Variants in ZNF469 observed in about 807,000 individuals in gnomAD.
ZNF469 encodes the protein zinc finger protein 469.
ZNF469 carries 1 observed loss-of-function variant against 1.0 expected under a neutral mutation model. The observed-to-expected ratio is 1.00, with a 90% CI of 0.35 to 4.73. ZNF469 has a LOEUF of 4.73. ZNF469 is among the 30% of genes most tolerant of loss of function. ZNF469 has a pLI of 0.16. For synonymous variants in ZNF469, 2,703 were observed against 2,363.4 expected, an observed-to-expected ratio of 1.14 and a Z score of -4.17; for missense variants, 6,100 against 5,356.3, an observed-to-expected ratio of 1.14 and a Z score of -4.33.
At chr16:88,328,722 T>G in the ZNF469 span, among the ~76,000 whole-genome samples, 1 of 152,152 alleles carries the variant, frequency 6.6e-6, no homozygotes, top group African/African-American at 2.4e-5. Flanking sequence ...CACACACAGC[T>G]GAGTGCAATG....
the ZNF469 span, among the ~76,000 whole-genome samples, chr16:88,271,283 G>C: frequency 7.2e-6 from 1 of 139,794 alleles, no homozygotes; most frequent in South Asian, 2.3e-4. Flanking sequence ...GACAAAGTAC[G>C]TGGGAATGTG....
At chr16:88,366,439 A>G in the ZNF469 span, among the ~76,000 whole-genome samples, 2 of 151,358 alleles carry the variant, frequency 1.3e-5, no homozygotes, top group Admixed American at 6.6e-5. Flanking sequence ...TGTCACCACA[A>G]CCACCATCAT....
At position 88,430,620 on chromosome 16, in the gene ZNF469, C is replaced by T. The variant is rs1020696310; in HGVS notation, c.3150C>T (p.Leu1050=). 3.3e-5 allele frequency: 50 copies of T among 1,502,166 alleles called. No homozygotes were observed. Among genetic ancestry groups the T allele is most frequent in the Non-Finnish European group, 4.0e-5 (45 of 1,131,190 alleles). 93.1% of individuals were successfully genotyped at this position (1,502,166 alleles called of 1,614,324 possible). A position where few individuals can be genotyped will look rare whatever the true frequency, so the allele number is the denominator to read the frequency against. ...GGGGCGGCGCCTGGGGCAAGGAGCT[C>T]ATTCTGAAGATCGTGCAGCAGAAGA... The part of the protein sequence containing the change: ...KARGGAWGKE[L]ILKIVQQKNR... Residue 1050 remains leucine, a synonymous_variant, in exon 3 of 3, where the codon CTC becomes CTT. Transcript: ENST00000565624.
chr16:88,161,418 C>T, the ZNF469 span, among the ~76,000 whole-genome samples: 49 of 152,266 alleles, frequency 3.2e-4, no homozygotes, highest in Non-Finnish European at 6.6e-4. Flanking sequence ...ACAGTAGAAG[C>T]GGATGTTTCA....
chr16:88,265,721 G>A, the ZNF469 span, among the ~76,000 whole-genome samples: 80 of 152,320 alleles, frequency 5.3e-4, no homozygotes, highest in Middle Eastern at 3.4e-3. Context: ...AGGAGCAGAC[G>A]GGAGTGGGTT....
chr16:88,193,189 G>T, the ZNF469 span, among the ~76,000 whole-genome samples: 4 of 8,442 alleles, frequency 4.7e-4, no homozygotes, highest in African/African-American at 1.3e-3. Flanking sequence ...GGTGATGGTG[G>T]TGGTGGTGAT....
chr16:88,121,113 T>TG, the ZNF469 span, among the ~76,000 whole-genome samples: 1 of 28,842 alleles, frequency 3.5e-5, no homozygotes, highest in South Asian at 1.0e-3. Context: ...CACGGTGGGA[T>TG]GGGGGGTCGG....
At chr16:88,368,840 TA>T in the ZNF469 span, among the ~76,000 whole-genome samples, 2 of 152,144 alleles carry the variant, frequency 1.3e-5, no homozygotes, top group African/African-American at 4.8e-5. Context: ...CTCATGCCTG[TA>T]ATCTCAGCAG....
At chr16:88,388,724 C>T (rs543950790) in intron 1 of ZNF469, among the ~76,000 whole-genome samples, 2 of 152,168 alleles carry the variant, frequency 1.3e-5, no homozygotes, top group East Asian at 3.9e-4. Context: ...GGCCAGTCTC[C>T]ATACTGGAGG....
the ZNF469 span, among the ~76,000 whole-genome samples, chr16:88,262,611 C>G: frequency 2.6e-5 from 4 of 152,256 alleles, no homozygotes; most frequent in African/African-American, 9.6e-5. The surrounding 1 kb of genome is among the most constrained non-coding windows in gnomAD (Gnocchi z 4.3). Context: ...AGCAGAGACC[C>G]CACCACCTGG....
chr16:88,337,818 T>G, the ZNF469 span, among the ~76,000 whole-genome samples: 3 of 152,240 alleles, frequency 2.0e-5, no homozygotes, highest in East Asian at 5.8e-4. Flanking sequence ...ACACGGCCTC[T>G]GCTTTAATGG....
chr16:88,287,460 A>G, the ZNF469 span, among the ~76,000 whole-genome samples: 3 of 152,348 alleles, frequency 2.0e-5, no homozygotes, highest in South Asian at 6.2e-4. Flanking sequence ...GCCCACTACC[A>G]CTAGGGGGAG....
At chr16:88,289,374 G>GATGGTGATGGTGATGATC in the ZNF469 span, among the ~76,000 whole-genome samples, 3 of 151,832 alleles carry the variant, frequency 2.0e-5, no homozygotes, top group Non-Finnish European at 4.4e-5. Flanking sequence ...TGATGGTGAT[G>GATGGTGATGGTGATGATC]ATGGTGATGG....
At chr16:88,180,051 A>C in the ZNF469 span, among the ~76,000 whole-genome samples, 1,450 of 152,366 alleles carry the variant, frequency 9.5e-3, 25 homozygotes, top group African/African-American at 0.033. Context: ...AATAATAAAA[A>C]ATACTCAGCA....
At chr16:88,408,251 C>G (rs1391629932) in intron 1 of ZNF469, among the ~76,000 whole-genome samples, 1 of 152,248 alleles carries the variant, frequency 6.6e-6, no homozygotes. Context: ...CTCCCAGGTT[C>G]GAGCAATTCT....
the ZNF469 span, among the ~76,000 whole-genome samples, chr16:88,231,538 G>A: frequency 4.6e-5 from 7 of 152,134 alleles, no homozygotes; most frequent in African/African-American, 7.2e-5. The surrounding 1 kb of genome is among the most constrained non-coding windows in gnomAD (Gnocchi z 4.5). Context: ...TGTGAGGGCC[G>A]GTTCCTCCTG....
the ZNF469 span, among the ~76,000 whole-genome samples, chr16:88,230,004 C>A: frequency 6.6e-6 from 1 of 152,146 alleles, no homozygotes; most frequent in South Asian, 2.1e-4. Context: ...TTCTCAGGGC[C>A]CTTTCTGTCC....
intron 1 of ZNF469, among the ~76,000 whole-genome samples, chr16:88,413,777 C>T (rs1043835915): frequency 2.6e-5 from 4 of 152,080 alleles, no homozygotes; most frequent in African/African-American, 4.8e-5. Context: ...CTGGGCTCCG[C>T]GCCTCAGGGC....
At chr16:88,404,186 C>T (rs943131417) in intron 1 of ZNF469, among the ~76,000 whole-genome samples, 7 of 152,248 alleles carry the variant, frequency 4.6e-5, no homozygotes, top group East Asian at 1.9e-4. Flanking sequence ...CCCACACCCC[C>T]GGCACCTGGC....
Sources: gnomAD v4.1 joint callset for allele counts (sites outside exome capture counted in the v4.1 genomes callset) on GRCh38, gnomAD v4.1.1 for gene constraint, Gnocchi (gnomAD v3.1) non-coding constraint, MANE v1.5 for transcripts, NCBI Gene and HGNC (gene_info 2026-07-23, HGNC 2026-07-21) for gene names.